ADAMTSL1: variants seen among roughly 807,000 people sequenced by gnomAD.
ADAMTSL1 encodes the protein ADAMTS-like protein 1.
Under a neutral mutation model 201.8 loss-of-function variants are expected in ADAMTSL1, and 126 were observed. That is an observed-to-expected ratio of 0.62 (90% CI 0.54 to 0.72). The LOEUF (loss-of-function observed/expected upper bound fraction) is 0.72, where lower values mean the gene tolerates loss of function less well. ADAMTSL1 is among the 30% of genes least tolerant of loss of function. The pLI is 0.00. For missense variants in ADAMTSL1, 2,679 were observed against 2,277.8 expected, an observed-to-expected ratio of 1.18 and a Z score of -3.59; for synonymous variants, 1,121 against 903.4, an observed-to-expected ratio of 1.24 and a Z score of -4.32.
chr9:18,309,257 C>A (rs1214927629), intron 2 of ADAMTSL1, among the ~76,000 whole-genome samples: 1 of 152,046 alleles, frequency 6.6e-6, no homozygotes, highest in African/African-American at 2.4e-5. Context: ...CCTGGCTGCA[C>A]TCCTTTTGAA....
intron 1 of ADAMTSL1, among the ~76,000 whole-genome samples, chr9:18,494,057 A>G (rs1822398438): frequency 6.6e-6 from 1 of 152,170 alleles, no homozygotes; most frequent in Admixed American, 6.5e-5. Flanking sequence ...TCCTAGCAAT[A>G]TGCTCAAAAC....
intron 2 of ADAMTSL1, among the ~76,000 whole-genome samples, chr9:18,511,774 T>C (rs1818036919): frequency 1.3e-5 from 2 of 152,206 alleles, no homozygotes; most frequent in African/African-American, 4.8e-5. Context: ...AGCATCTTAT[T>C]TCTATACCGT....
chr9:18,621,330 C>T (rs1205980530), intron 4 of ADAMTSL1, among the ~76,000 whole-genome samples: 2 of 152,054 alleles, frequency 1.3e-5, no homozygotes, highest in South Asian at 2.1e-4. Flanking sequence ...TGATTTGGAC[C>T]GGGCATAAAT....
intron 14 of ADAMTSL1, among the ~76,000 whole-genome samples, chr9:18,709,414 C>A (rs951332414): frequency 6.6e-6 from 1 of 152,084 alleles, no homozygotes; most frequent in Non-Finnish European, 1.5e-5. Flanking sequence ...GATTTTAAAT[C>A]AATTTTGGGT....
chr9:18,184,778 C>T (rs1217343352), intron 2 of ADAMTSL1, among the ~76,000 whole-genome samples: 1 of 152,180 alleles, frequency 6.6e-6, no homozygotes, highest in African/African-American at 2.4e-5. Flanking sequence ...TGACCTCTGG[C>T]TTGAGATTTC....
At chr9:18,282,421 C>G (rs1832825786) in intron 2 of ADAMTSL1, among the ~76,000 whole-genome samples, 1 of 152,140 alleles carries the variant, frequency 6.6e-6, no homozygotes, top group Non-Finnish European at 1.5e-5. Context: ...TTTTCGTTTG[C>G]TATTCATGGG....
intron 23 of ADAMTSL1, among the ~76,000 whole-genome samples, chr9:18,876,796 G>A (rs1447539558): frequency 6.6e-6 from 1 of 152,178 alleles, no homozygotes; most frequent in Admixed American, 6.5e-5. Context: ...ATGTCTAGAT[G>A]TCTAGCAAGG....
At chr9:18,201,874 T>C (rs1033839850) in intron 2 of ADAMTSL1, among the ~76,000 whole-genome samples, 2 of 152,168 alleles carry the variant, frequency 1.3e-5, no homozygotes, top group Admixed American at 6.6e-5. Flanking sequence ...TTTGCTTTGA[T>C]CATTCATTGT....
At chr9:17,981,343 G>A (rs1818685106) in intron 1 of ADAMTSL1, among the ~76,000 whole-genome samples, 2 of 152,174 alleles carry the variant, frequency 1.3e-5, no homozygotes. Flanking sequence ...CACCTTTTAT[G>A]ATTCCCTATT....
chr9:18,596,121 C>G (rs1824247052), intron 4 of ADAMTSL1, among the ~76,000 whole-genome samples: 1 of 152,126 alleles, frequency 6.6e-6, no homozygotes, highest in African/African-American at 2.4e-5. Context: ...TTTAATATTT[C>G]CATTTACATT....
intron 20 of ADAMTSL1, among the ~76,000 whole-genome samples, chr9:18,807,123 G>C (rs1823182647): frequency 6.6e-6 from 1 of 152,114 alleles, no homozygotes; most frequent in African/African-American, 2.4e-5. Flanking sequence ...TATTGGGCCT[G>C]ATAAATTGAA....
intron 1 of ADAMTSL1, among the ~76,000 whole-genome samples, chr9:18,113,877 G>A (rs1434770812): frequency 6.6e-6 from 1 of 152,124 alleles, no homozygotes; most frequent in Admixed American, 6.6e-5. Context: ...CTTTGTAGAT[G>A]AGGAAACTGA....
intron 2 of ADAMTSL1, among the ~76,000 whole-genome samples, chr9:18,290,584 A>G (rs1317861683): frequency 6.6e-6 from 1 of 151,990 alleles, no homozygotes; most frequent in Admixed American, 6.6e-5. Context: ...AAAGACCACA[A>G]CAGGATCTTC....
chr9:18,080,412 A>G (rs1042185244), intron 1 of ADAMTSL1, among the ~76,000 whole-genome samples: 2 of 152,212 alleles, frequency 1.3e-5, no homozygotes, highest in African/African-American at 4.8e-5. Flanking sequence ...TTAAGATAGC[A>G]TTGTGCATTA....
intron 16 of ADAMTSL1, among the ~76,000 whole-genome samples, chr9:18,754,892 C>A (rs1819661791): frequency 6.6e-6 from 1 of 152,136 alleles, no homozygotes. Flanking sequence ...CACCAATGTA[C>A]CAGCGCTTAA....
intron 2 of ADAMTSL1, among the ~76,000 whole-genome samples, chr9:18,281,283 A>G (rs1832777188): frequency 6.6e-6 from 1 of 152,168 alleles, no homozygotes; most frequent in Non-Finnish European, 1.5e-5. Flanking sequence ...AAAGATATAT[A>G]TATATATTTA....
chr9:18,209,914 G>A (rs764385709), intron 2 of ADAMTSL1, among the ~76,000 whole-genome samples: 3 of 152,076 alleles, frequency 2.0e-5, no homozygotes, highest in Non-Finnish European at 4.4e-5. Context: ...TCTAGGCTGA[G>A]GATCTCAACA....
At chr9:18,307,842 G>A (rs534413862) in intron 2 of ADAMTSL1, among the ~76,000 whole-genome samples, 4 of 152,210 alleles carry the variant, frequency 2.6e-5, no homozygotes, top group South Asian at 2.1e-4. Flanking sequence ...GGACCAAGTG[G>A]ACCTAATAGA....
rs555689428 is a variant in ADAMTSL1, at chr9:18,395,411, T to C, written c.208-109418T>C. On this transcript the variant is annotated intron_variant, in intron 2 of 29. Transcript: ENST00000680146. ...GCATTCAGCATAAAATAAATGCACA[T>C]GCTTTATTCAGAAATCTCATCCATT... is the stretch of plus-strand genomic sequence containing the variant. Among the ~76,000 whole-genome samples, 3 of 152,322 alleles carry C rather than the reference T, an allele frequency of 2.0e-5. No individual in the cohort carries two copies. In the East Asian group the frequency reaches 5.8e-4, roughly 29 times the overall value.
Sources: allele counts gnomAD v4.1 joint callset (sites outside exome capture counted in the v4.1 genomes callset), GRCh38; gene constraint gnomAD v4.1.1; transcripts MANE v1.5; gene names NCBI Gene and HGNC (gene_info 2026-07-23, HGNC 2026-07-21).